Variants in BDH1 observed in about 807,000 individuals in gnomAD.
The protein encoded by BDH1 is D-beta-hydroxybutyrate dehydrogenase, mitochondrial.
BDH1 carries 30 observed loss-of-function variants against 33.1 expected under a neutral mutation model. That is an observed-to-expected ratio of 0.91 (90% CI 0.68 to 1.23). The LOEUF (loss-of-function observed/expected upper bound fraction) is 1.23, where lower values mean the gene tolerates loss of function less well. Ranked by LOEUF, BDH1 falls within the 50% of genes most tolerant of loss-of-function variation. The pLI is 0.00. For synonymous variants in BDH1, 190 were observed against 183.6 expected (o/e 1.03, Z -0.28); for missense variants, 443 against 464.4 (o/e 0.95, Z 0.42).
At chr3:197,527,375 C>T (rs1714201028) in intron 5 of BDH1, among the ~76,000 whole-genome samples, 1 of 152,194 alleles carries the variant, frequency 6.6e-6, no homozygotes, top group South Asian at 2.1e-4. Context: ...AAAATGGGGG[C>T]TGTTGATATC....
chr3:197,512,897 G>A (rs1490506117), intron 7 of BDH1, among the ~76,000 whole-genome samples: 1 of 152,182 alleles, frequency 6.6e-6, no homozygotes, highest in Non-Finnish European at 1.5e-5. Context: ...GGGGGTTGGA[G>A]TGCAGACGAG....
At chr3:197,539,944 G>A (rs980644160) in intron 3 of BDH1, among the ~76,000 whole-genome samples, 6 of 152,180 alleles carry the variant, frequency 3.9e-5, no homozygotes, top group Admixed American at 2.0e-4. Context: ...CAAGTCCTCT[G>A]TCTTGATAAA....
intron 3 of BDH1, among the ~76,000 whole-genome samples, chr3:197,539,397 C>T (rs1180464874): frequency 6.6e-6 from 1 of 152,184 alleles, no homozygotes; most frequent in Non-Finnish European, 1.5e-5. Context: ...ACCTCAGCCT[C>T]CCAAAGTGCT....
intron 2 of BDH1, among the ~76,000 whole-genome samples, chr3:197,552,415 G>A (rs1313556275): frequency 1.3e-5 from 2 of 152,086 alleles, no homozygotes; most frequent in African/African-American, 2.4e-5. Flanking sequence ...ATCATGTCAC[G>A]CCTCACCAAA....
At chr3:197,539,290 C>A (rs1715406488) in intron 3 of BDH1, among the ~76,000 whole-genome samples, 2 of 152,160 alleles carry the variant, frequency 1.3e-5, no homozygotes, top group Admixed American at 1.3e-4. Context: ...CAGGCACCCA[C>A]CACCACGCCT....
At position 197,545,527 on chromosome 3, in the gene BDH1, C is replaced by T. The variant is rs541865258; in HGVS notation, c.83+834G>A. Among the ~76,000 whole-genome samples the T allele has an allele frequency of 5.9e-5, 9 of 152,160 alleles. No individual in the cohort carries two copies. In the East Asian group the frequency reaches 1.4e-3, roughly 23 times the overall value. ...CCAGCGAGAGTGTCAAGGTCGTGAG[C>T]GAAAAAGACTGAAGACCTGTCCCCG... On this transcript the variant is annotated intron_variant, in intron 3 of 7. Coordinates refer to ENST00000392379, the MANE Select transcript of BDH1 (RefSeq NM_203314.3).
In BDH1 at chr3:197,512,049, GTGGAGCCACTGC is replaced by G; in HGVS notation, c.866_877del (p.Ser289_Ser292del). The G allele has an allele frequency of 6.2e-7, 1 of 1,614,216 alleles. No homozygotes were observed. The highest frequency in any genetic ancestry group is 8.5e-7 in the Non-Finnish European group (1 of 1,180,046). ...AGCATCGATGACAGGGGACGTGTCTGTGGAGCCACTGCTGCAGTAGGTCTCCATCTTGGCGAT... is the reference window on the plus strand; with the variant it reads ...AGCATCGATGACAGGGGACGTGTCTGTGCAGTAGGTCTCCATCTTGGCGAT... On this transcript the variant is annotated inframe_deletion, in exon 8 of 8. Coordinates refer to ENST00000392379, the MANE Select transcript of BDH1 (RefSeq NM_203314.3).
chr3:197,559,969 T>TGG (rs1717208106), upstream of BDH1, among the ~76,000 whole-genome samples: 1 of 152,210 alleles, frequency 6.6e-6, no homozygotes, highest in African/African-American at 2.4e-5. Context: ...TCCCTCCCCC[T>TGG]ACTGTAAAAC....
chr3:197,549,811 G>T (rs1390262542), intron 2 of BDH1, among the ~76,000 whole-genome samples: 1 of 152,324 alleles, frequency 6.6e-6, no homozygotes, highest in East Asian at 1.9e-4. Context: ...AAAAAGCAGT[G>T]TAACTAGGCA....
rs139470328 is a variant in BDH1 at position 197,524,938 on chromosome 3, C to T, written c.268-2157G>A. ...TGAAAAGGCACTGTGGCGTGGCCCG[C>T]TAAGTCTCTGCAGAGGCACCAGGGA... On this transcript the variant is annotated intron_variant, in intron 5 of 7. Transcript: ENST00000392379. Among the ~76,000 whole-genome samples, 448 of 152,312 alleles carry T rather than the reference C, an allele frequency of 2.9e-3. 1 individual carries two copies. The highest frequency in any genetic ancestry group is 0.01 in the African/African-American group (424 of 41,566).
At position 197,515,808 on chromosome 3, in the gene BDH1, G is replaced by A; in HGVS notation, c.410-1392C>T. On this transcript the variant is annotated intron_variant, in intron 6 of 7. Transcript: ENST00000392379. ...AGTCCCAGCTACTCGGGAGGCTGAG[G>A]CAGGAAAATCTCTTGAACCCAGGAG... 8.4e-6 allele frequency: 7 copies of A among 829,486 alleles called. 1 individual carries two copies. Among genetic ancestry groups the A allele is most frequent in the Non-Finnish European group, 1.0e-5 (7 of 687,306 alleles). The allele number at this position is 829,486 out of a possible 1,614,324, so 51.4% of individuals were successfully genotyped here.
At position 197,512,230 on chromosome 3, in the gene BDH1, C is replaced by T. The variant is rs752919802; in HGVS notation, c.697G>A (p.Val233Ile). The change falls in exon 8 of 8, where the codon GTC becomes ATC. Residue 233 changes from valine to isoleucine, a missense_variant. By Grantham distance (29) the Val-to-Ile change is conservative. Transcript: ENST00000392379. Reference protein sequence around the residue: ...RYEMYPLGVKVSVVEPGNFIA... With the variant: ...RYEMYPLGVKISVVEPGNFIA... ...AAGTTGCCGGGCTCCACCACGCTGA[C>T]CTTCACGCCCAGGGGGTACATCTCA... is the stretch of plus-strand genomic sequence containing the variant. The T allele has an allele frequency of 1.1e-5, 17 of 1,613,668 alleles. No individual in the cohort carries two copies. The highest frequency in any genetic ancestry group is 1.3e-5 in the African/African-American group (1 of 74,920).
chr3:197,571,370 T>C (rs1036317151), intron 1 of BDH1, among the ~76,000 whole-genome samples: 30 of 152,214 alleles, frequency 2.0e-4, no homozygotes, highest in African/African-American at 7.0e-4. Flanking sequence ...TGTGAAGACA[T>C]GAGATTTGGA....
intron 3 of BDH1, 58 bp from the exon 4 acceptor site, chr3:197,533,619 A>C: frequency 6.4e-7 from 1 of 1,557,104 alleles, no homozygotes; most frequent in African/African-American, 1.4e-5. Flanking sequence ...CCTCAGCCAC[A>C]CTGGCCTAGA....
In BDH1 at chr3:197,521,656, C is replaced by T. The variant is rs541071048; in HGVS notation, c.409+984G>A. Reference sequence around the variant, plus strand: ...GTGTCTCCCTATCTCCCCACCTGCTCCTGCAGTGCGGGGCACCAGGTGTCC... The same window carrying T: ...GTGTCTCCCTATCTCCCCACCTGCTTCTGCAGTGCGGGGCACCAGGTGTCC... On this transcript the variant is annotated intron_variant, in intron 6 of 7. Transcript: ENST00000392379. The surrounding 1 kb of genome is among the most constrained non-coding windows in gnomAD (Gnocchi z 4.9). Among the ~76,000 whole-genome samples, 1 of 152,260 alleles carries T rather than the reference C, an allele frequency of 6.6e-6. No homozygotes were observed. Among genetic ancestry groups the T allele is most frequent in the East Asian group, 1.9e-4 (1 of 5,184 alleles).
At chr3:197,569,144 C>T (rs1240370320) in intron 1 of BDH1, among the ~76,000 whole-genome samples, 1 of 152,222 alleles carries the variant, frequency 6.6e-6, no homozygotes, top group Non-Finnish European at 1.5e-5. Context: ...GTCTGTCCTA[C>T]TCCAAATGCT....
chr3:197,514,572 G>A lies in BDH1; in HGVS notation c.410-156C>T, dbSNP rs184122690. Reference sequence around the variant, plus strand: ...AAACTTTCTAGAGTCACTCAGGAACGACAGGAGGTAAAGAGGCCTAAAGTG... The same window carrying A: ...AAACTTTCTAGAGTCACTCAGGAACAACAGGAGGTAAAGAGGCCTAAAGTG... On this transcript the variant is annotated intron_variant, in intron 6 of 7. Coordinates refer to ENST00000392379, the MANE Select transcript of BDH1 (RefSeq NM_203314.3). This position sits in a 1 kb window ranked among gnomAD's most constrained non-coding sequence, Gnocchi z 4.2. 2.0e-3 allele frequency among the ~76,000 whole-genome samples: 308 copies of A among 152,236 alleles called. 2 individuals are homozygous for A. The highest frequency in any genetic ancestry group is 8.5e-3 in the South Asian group (41 of 4,820).
intron 2 of BDH1, 144 bp from the exon 3 acceptor site, chr3:197,546,630 A>C: frequency 1.8e-6 from 1 of 565,376 alleles, no homozygotes; most frequent in Non-Finnish European, 3.2e-6. Flanking sequence ...CAGGTAGTCC[A>C]CTCTGGTTCC....
upstream of BDH1, among the ~76,000 whole-genome samples, chr3:197,559,885 C>A (rs371696455): frequency 1.3e-5 from 2 of 152,226 alleles, no homozygotes; most frequent in African/African-American, 4.8e-5. Flanking sequence ...GAGAAACATT[C>A]GGCTGTGAGG....
Sources: gnomAD v4.1 joint callset for allele counts (sites outside exome capture counted in the v4.1 genomes callset) on GRCh38, gnomAD v4.1.1 for gene constraint, Gnocchi (gnomAD v3.1) non-coding constraint, MANE v1.5 for transcripts, NCBI Gene and HGNC (gene_info 2026-07-23, HGNC 2026-07-21) for gene names.